The following MALRD1 variants were observed in gnomAD, a reference collection of about 807,000 sequenced individuals.
The protein encoded by MALRD1 is MAM and LDL receptor class A domain containing 1, also known as MAM and LDL-receptor class A domain-containing protein 1.
Under a neutral mutation model 242.1 loss-of-function variants are expected in MALRD1, and 247 were observed. The observed-to-expected ratio is 1.02, with a 90% CI of 0.92 to 1.13. The LOEUF (loss-of-function observed/expected upper bound fraction) is 1.13. Ranked by LOEUF, MALRD1 falls within the 50% of genes most tolerant of loss-of-function variation. The probability of loss-of-function intolerance (pLI) is 0.00; values close to 1 mark genes in which losing one functional copy is unlikely to be tolerated. For missense variants in MALRD1, 2,989 were observed against 2,533.1 expected (o/e 1.18, Z -3.86); for synonymous variants, 995 against 866.6 (o/e 1.15, Z -2.60).
At chr10:19,237,928 G>T (rs796303723) in intron 18 of MALRD1, among the ~76,000 whole-genome samples, 2 of 40,088 alleles carry the variant, frequency 5.0e-5, no homozygotes, top group African/African-American at 1.1e-4. Flanking sequence ...ATAATTATAT[G>T]TAATTTTATA....
intron 32 of MALRD1, among the ~76,000 whole-genome samples, chr10:19,546,367 A>AT (rs1234201098): frequency 1.3e-5 from 2 of 152,284 alleles, no homozygotes; most frequent in Non-Finnish European, 1.5e-5. Context: ...AGGTACACGT[A>AT]TTTTTATGGC....
At chr10:19,566,263 C>T (rs550593832) in intron 32 of MALRD1, among the ~76,000 whole-genome samples, 1 of 150,726 alleles carries the variant, frequency 6.6e-6, no homozygotes, top group Non-Finnish European at 1.5e-5. Context: ...TGAGTAGTAG[C>T]TGGGACTACG....
At chr10:19,443,951 TTGTAGGTCTCTA>T (rs2131002008) in intron 28 of MALRD1, among the ~76,000 whole-genome samples, 1 of 152,256 alleles carries the variant, frequency 6.6e-6, no homozygotes, top group East Asian at 1.9e-4. Flanking sequence ...CTAAGTCTCT[TTGTAGGTCTCTA>T]AGGACTTGCT....
At chr10:19,540,303 A>G (rs879700764) in intron 32 of MALRD1, among the ~76,000 whole-genome samples, 1 of 151,974 alleles carries the variant, frequency 6.6e-6, no homozygotes, top group African/African-American at 2.4e-5. Flanking sequence ...TCTTACCCCA[A>G]CTCAGCCTCT....
intron 33 of MALRD1, among the ~76,000 whole-genome samples, chr10:19,575,382 A>G (rs1384794953): frequency 6.6e-6 from 1 of 152,072 alleles, no homozygotes; most frequent in African/African-American, 2.4e-5. Flanking sequence ...TCAGCACAGT[A>G]CAAGCAGTCT....
chr10:19,509,164 G>A (rs1216287410), intron 31 of MALRD1, among the ~76,000 whole-genome samples: 6 of 152,172 alleles, frequency 3.9e-5, no homozygotes, highest in Admixed American at 3.9e-4. Context: ...GACAAATTAC[G>A]TTTAGCAGAG....
At chr10:19,096,709 C>G (rs1836047635) in intron 4 of MALRD1, among the ~76,000 whole-genome samples, 1 of 152,208 alleles carries the variant, frequency 6.6e-6, no homozygotes, top group Non-Finnish European at 1.5e-5. Context: ...CATCTGCTGC[C>G]TCAAGAACTT....
At chr10:19,080,167 C>T (rs751027488) in intron 2 of MALRD1, among the ~76,000 whole-genome samples, 1 of 151,884 alleles carries the variant, frequency 6.6e-6, no homozygotes, top group Admixed American at 6.6e-5. Context: ...TAGGAGGATG[C>T]AGTATTGTAA....
At chr10:19,350,323 T>G (rs1324498691) in intron 25 of MALRD1, among the ~76,000 whole-genome samples, 1 of 143,058 alleles carries the variant, frequency 7.0e-6, no homozygotes, top group Admixed American at 7.5e-5. Context: ...CGGGCTGGAG[T>G]GCAGTAGTGT....
intron 26 of MALRD1, among the ~76,000 whole-genome samples, chr10:19,381,216 A>G (rs926726023): frequency 2.0e-5 from 3 of 151,194 alleles, no homozygotes; most frequent in African/African-American, 7.3e-5. Context: ...AATTTCATCC[A>G]TGTCCCTACA....
intron 18 of MALRD1, among the ~76,000 whole-genome samples, chr10:19,225,557 A>G (rs954522591): frequency 1.3e-5 from 2 of 152,148 alleles, no homozygotes; most frequent in Non-Finnish European, 2.9e-5. Flanking sequence ...GATTATCATT[A>G]GCATGTATTA....
In MALRD1 at chr10:19,505,272, C is replaced by A. The variant is rs189340175; in HGVS notation, c.5320+6626C>A. Reference sequence around the variant, plus strand: ...ACTGGTAAGGACTGAATTGTGCCCCCTTCCTCCAGAATTCCTAGGTTGAAG... The same window carrying A: ...ACTGGTAAGGACTGAATTGTGCCCCATTCCTCCAGAATTCCTAGGTTGAAG... On this transcript the variant is annotated intron_variant, in intron 31 of 39. Transcript: ENST00000454679. Among the ~76,000 whole-genome samples the A allele has an allele frequency of 1.3e-4, 20 of 152,308 alleles. No homozygotes were observed. The East Asian group carries it at 3.7e-3, about 28-fold the overall frequency.
intron 31 of MALRD1, among the ~76,000 whole-genome samples, chr10:19,516,835 A>G (rs1833655710): frequency 6.6e-6 from 1 of 151,774 alleles, no homozygotes; most frequent in Non-Finnish European, 1.5e-5. Context: ...GCATTTTAAA[A>G]TGATATCTAT....
chr10:19,653,145 T>A (rs1187246646), intron 36 of MALRD1, among the ~76,000 whole-genome samples: 1 of 152,194 alleles, frequency 6.6e-6, no homozygotes, highest in Non-Finnish European at 1.5e-5. Context: ...CCTGAGCAGC[T>A]GGAAACATCT....
At chr10:19,252,430 T>A (rs1839333591) in intron 18 of MALRD1, among the ~76,000 whole-genome samples, 1 of 152,034 alleles carries the variant, frequency 6.6e-6, no homozygotes, top group South Asian at 2.1e-4. Flanking sequence ...TAGACACTCA[T>A]TTTTCTTTTT....
At chr10:19,215,150 G>A (rs906271016) in intron 18 of MALRD1, among the ~76,000 whole-genome samples, 1 of 152,100 alleles carries the variant, frequency 6.6e-6, no homozygotes, top group African/African-American at 2.4e-5. Flanking sequence ...GGAAAGCCAT[G>A]TTTTATCTTC....
chr10:19,410,611 C>CT (rs1396909416), intron 28 of MALRD1, among the ~76,000 whole-genome samples: 4 of 151,528 alleles, frequency 2.6e-5, no homozygotes, highest in Non-Finnish European at 5.9e-5. Flanking sequence ...TAGACAGAAG[C>CT]TAGTGAACAA....
intron 29 of MALRD1, among the ~76,000 whole-genome samples, chr10:19,460,349 G>C (rs1835879653): frequency 6.6e-6 from 1 of 151,744 alleles, no homozygotes; most frequent in African/African-American, 2.4e-5. Flanking sequence ...CAAATCTACA[G>C]ATATTTATAC....
intron 29 of MALRD1, among the ~76,000 whole-genome samples, chr10:19,459,660 A>C (rs1228295417): frequency 6.6e-6 from 1 of 152,086 alleles, no homozygotes; most frequent in Non-Finnish European, 1.5e-5. Flanking sequence ...ATTGTATTCA[A>C]GTAAACCATT....
Sources: gnomAD v4.1 joint callset for allele counts (sites outside exome capture counted in the v4.1 genomes callset) on GRCh38, gnomAD v4.1.1 for gene constraint, MANE v1.5 for transcripts, NCBI Gene and HGNC (gene_info 2026-07-23, HGNC 2026-07-21) for gene names.